The following RALYL variants were observed in gnomAD, a reference collection of about 807,000 sequenced individuals.
The protein encoded by RALYL is RALY RNA binding protein like, also known as RNA-binding Raly-like protein.
RALYL carries 29 observed loss-of-function variants against 35.1 expected under a neutral mutation model. The ratio of observed to expected loss-of-function variants is 0.83; its 90% CI spans 0.61 to 1.13. RALYL has a LOEUF of 1.13. Ranked by LOEUF, RALYL falls within the 50% of genes most tolerant of loss-of-function variation. The pLI, the probability that RALYL is intolerant of heterozygous loss-of-function variation, is 0.00. For synonymous variants in RALYL, 120 were observed against 127.6 expected (o/e 0.94, Z 0.40); for missense variants, 359 against 360.4 (o/e 1.00, Z 0.03).
chr8:84,376,036 C>A (rs73298727), intron 1 of RALYL, among the ~76,000 whole-genome samples: 4,517 of 151,936 alleles, frequency 0.03, 218 homozygotes, highest in African/African-American at 0.1. Flanking sequence ...ATAAGTAAGT[C>A]TGTTTACAAG....
intron 2 of RALYL, among the ~76,000 whole-genome samples, chr8:84,705,179 A>G (rs1403509694): frequency 6.6e-6 from 1 of 152,190 alleles, no homozygotes; most frequent in East Asian, 1.9e-4. Context: ...AGGACAGTAC[A>G]AGCTATAATG....
At chr8:84,788,560 G>A (rs1820084019) in intron 3 of RALYL, among the ~76,000 whole-genome samples, 3 of 152,220 alleles carry the variant, frequency 2.0e-5, no homozygotes, top group Admixed American at 6.5e-5. Flanking sequence ...AGCAAAGCCA[G>A]TGAAACACAT....
intron 6 of RALYL, among the ~76,000 whole-genome samples, chr8:84,867,109 C>T (rs1586853811): frequency 6.6e-6 from 1 of 152,202 alleles, no homozygotes; most frequent in African/African-American, 2.4e-5. Context: ...TGTGTCAGTC[C>T]TCTCTCCTTG....
intron 4 of RALYL, among the ~76,000 whole-genome samples, chr8:84,827,771 AAAAGAAAAATTG>A (rs1830027143): frequency 6.6e-6 from 1 of 152,108 alleles, no homozygotes; most frequent in Non-Finnish European, 1.5e-5. Flanking sequence ...GCTTCAGATA[AAAAGAAAAATTG>A]AAGTAGAAGT....
chr8:84,509,838 G>A (rs1238066268), intron 1 of RALYL, among the ~76,000 whole-genome samples: 1 of 152,084 alleles, frequency 6.6e-6, no homozygotes, highest in African/African-American at 2.4e-5. Context: ...GTTCATATGG[G>A]TGTATTTCTG....
intron 2 of RALYL, among the ~76,000 whole-genome samples, chr8:84,539,291 A>G (rs1245260361): frequency 6.6e-6 from 1 of 152,164 alleles, no homozygotes; most frequent in Non-Finnish European, 1.5e-5. Flanking sequence ...GGTTAAAAAC[A>G]TTTCCTGGGA....
At chr8:84,817,534 A>T (rs987492966) in intron 4 of RALYL, among the ~76,000 whole-genome samples, 4 of 133,556 alleles carry the variant, frequency 3.0e-5, no homozygotes, top group South Asian at 2.2e-4. Context: ...CTAATCTTTT[A>T]TTATTATTAT....
chr8:84,568,386 TA>T (rs2061945311), intron 2 of RALYL, among the ~76,000 whole-genome samples: 1 of 151,940 alleles, frequency 6.6e-6, no homozygotes, highest in Non-Finnish European at 1.5e-5. Flanking sequence ...AACTCATCAT[TA>T]TTTATGGCTG....
intron 2 of RALYL, among the ~76,000 whole-genome samples, chr8:84,554,300 T>A (rs2060948983): frequency 6.6e-6 from 1 of 152,182 alleles, no homozygotes. Context: ...TTACGGTAGT[T>A]CATTGTGTTT....
chr8:84,905,561 A>G (rs1587123204), intron 8 of RALYL, among the ~76,000 whole-genome samples: 2 of 152,172 alleles, frequency 1.3e-5, no homozygotes, highest in Middle Eastern at 3.4e-3. Flanking sequence ...AAGCATTCCA[A>G]TTTCTCCACT....
intron 3 of RALYL, among the ~76,000 whole-genome samples, chr8:84,782,135 T>C (rs1361339579): frequency 6.6e-6 from 1 of 152,146 alleles, no homozygotes; most frequent in Non-Finnish European, 1.5e-5. Context: ...TCCTTTCTGC[T>C]TCTCCCAAGG....
At chr8:84,427,251 C>G (rs2046594663) in intron 1 of RALYL, among the ~76,000 whole-genome samples, 1 of 152,176 alleles carries the variant, frequency 6.6e-6, no homozygotes, top group African/African-American at 2.4e-5. Flanking sequence ...CAATAGCTTC[C>G]CTACTAGACT....
chr8:84,889,875 A>G (rs1435968828), intron 8 of RALYL, among the ~76,000 whole-genome samples: 1 of 151,916 alleles, frequency 6.6e-6, no homozygotes, highest in Non-Finnish European at 1.5e-5. Context: ...GCTACTTCCA[A>G]CTCACACCCC....
At chr8:84,686,102 TG>T (rs1157431381) in intron 2 of RALYL, among the ~76,000 whole-genome samples, 1 of 152,194 alleles carries the variant, frequency 6.6e-6, no homozygotes, top group East Asian at 1.9e-4. Flanking sequence ...GAGGAAATCA[TG>T]CATAAGTAAC....
intron 2 of RALYL, among the ~76,000 whole-genome samples, chr8:84,772,389 T>TA (rs994851095): frequency 9.2e-5 from 14 of 152,228 alleles, no homozygotes; most frequent in South Asian, 8.3e-4. Flanking sequence ...GGCATATACA[T>TA]AAAAAATATT....
At chr8:84,377,970 G>T (rs756456936) in intron 1 of RALYL, among the ~76,000 whole-genome samples, 16 of 151,852 alleles carry the variant, frequency 1.1e-4, no homozygotes, top group African/African-American at 3.9e-4. Context: ...TTTATTTAAA[G>T]AATTTAACAA....
At chr8:84,189,512 G>T (rs1813346349) in intron 1 of RALYL, among the ~76,000 whole-genome samples, 1 of 152,128 alleles carries the variant, frequency 6.6e-6, no homozygotes, top group Non-Finnish European at 1.5e-5. Flanking sequence ...GAGAGGGAAA[G>T]AAATTGATGT....
intron 1 of RALYL, among the ~76,000 whole-genome samples, chr8:84,522,410 C>G (rs1408123167): frequency 6.6e-6 from 1 of 151,726 alleles, no homozygotes; most frequent in Admixed American, 6.6e-5. Flanking sequence ...CCACTACGCC[C>G]GGCTAATTTT....
Position 84,398,551 on chromosome 8 carries a change from T to C in RALYL, c.-23-130748T>C, listed in dbSNP as rs936505956. The stretch of plus-strand genomic sequence containing the variant: ...AGTAATATCTTTTCTAGATATTGTG[T>C]CATAATTTTAATCTTTTAAACACTT... On this transcript the variant is annotated intron_variant, in intron 1 of 8. Transcript: ENST00000521268. Among the ~76,000 whole-genome samples, 12 of 152,144 alleles carry C rather than the reference T, an allele frequency of 7.9e-5. No individual in the cohort carries two copies. In the East Asian group the frequency reaches 9.6e-4, roughly 12 times the overall value.
Sources: gnomAD v4.1 joint callset for allele counts (sites outside exome capture counted in the v4.1 genomes callset) on GRCh38, gnomAD v4.1.1 for gene constraint, MANE v1.5 for transcripts, NCBI Gene and HGNC (gene_info 2026-07-23, HGNC 2026-07-21) for gene names.